The following BBS9 variants were observed in gnomAD, a reference collection of about 807,000 sequenced individuals.
The protein encoded by BBS9 is Bardet-Biedl syndrome 9.
BBS9 carries 89 observed loss-of-function variants against 117.7 expected under a neutral mutation model. The observed-to-expected ratio is 0.76, with a 90% CI of 0.64 to 0.90. The LOEUF (loss-of-function observed/expected upper bound fraction) is 0.90. BBS9 is among the 40% of genes least tolerant of loss of function. The probability of loss-of-function intolerance (pLI) is 0.00; values close to 1 mark genes in which losing one functional copy is unlikely to be tolerated. For missense variants in BBS9, 982 were observed against 1,042.2 expected (o/e 0.94, Z 0.80); for synonymous variants, 379 against 370.9 (o/e 1.02, Z -0.25).
chr7:33,281,029 TA>T (rs1182851998), intron 9 of BBS9, among the ~76,000 whole-genome samples: 13 of 150,558 alleles, frequency 8.6e-5, no homozygotes, highest in African/African-American at 3.2e-4. Flanking sequence ...AATTCATAAA[TA>T]TTTCTGGAAT....
intron 21 of BBS9, among the ~76,000 whole-genome samples, chr7:33,587,605 A>G (rs1329304736): frequency 6.6e-6 from 1 of 152,148 alleles, no homozygotes; most frequent in Non-Finnish European, 1.5e-5. Flanking sequence ...CTTCAAAGAA[A>G]GTAGAGCTGG....
At chr7:33,435,334 A>G (rs1204232258) in intron 19 of BBS9, among the ~76,000 whole-genome samples, 1 of 152,204 alleles carries the variant, frequency 6.6e-6, no homozygotes, top group African/African-American at 2.4e-5. Context: ...AACTTTGTTA[A>G]TATCAAGGAT....
intron 5 of BBS9, among the ~76,000 whole-genome samples, chr7:33,215,817 A>G (rs1788946095): frequency 6.6e-6 from 1 of 152,278 alleles, no homozygotes; most frequent in Admixed American, 6.5e-5. Context: ...TCATGATGAC[A>G]GAGAAGCTGA....
At chr7:33,486,636 G>A (rs943020863) in intron 19 of BBS9, among the ~76,000 whole-genome samples, 6 of 152,116 alleles carry the variant, frequency 3.9e-5, no homozygotes, top group Non-Finnish European at 7.4e-5. Flanking sequence ...AGATTTGGGG[G>A]ACAAAGTCAA....
At chr7:33,184,341 C>T (rs1372266893) in intron 5 of BBS9, among the ~76,000 whole-genome samples, 2 of 152,120 alleles carry the variant, frequency 1.3e-5, no homozygotes, top group South Asian at 2.1e-4. Context: ...TCCGGTGATC[C>T]TGTACATGCC....
intron 1 of BBS9, among the ~76,000 whole-genome samples, chr7:33,144,457 GC>G (rs1792021563): frequency 6.6e-6 from 1 of 152,198 alleles, no homozygotes; most frequent in Non-Finnish European, 1.5e-5. Context: ...GTGATCAAGT[GC>G]AAAGGAGTAA....
At chr7:33,163,063 G>A (rs182054657) in intron 4 of BBS9, among the ~76,000 whole-genome samples, 139 of 152,140 alleles carry the variant, frequency 9.1e-4, no homozygotes, top group African/African-American at 2.9e-3. Flanking sequence ...TTGTAGAGGC[G>A]TTTTCTGCAT....
chr7:33,463,552 G>T (rs1383464149), intron 19 of BBS9, among the ~76,000 whole-genome samples: 2 of 152,116 alleles, frequency 1.3e-5, no homozygotes, highest in Non-Finnish European at 2.9e-5. Flanking sequence ...CTGTGAGCCA[G>T]GATGTGCTTT....
chr7:33,222,073 C>A (rs1362014347), intron 5 of BBS9, among the ~76,000 whole-genome samples: 1 of 152,074 alleles, frequency 6.6e-6, no homozygotes, highest in Non-Finnish European at 1.5e-5. Flanking sequence ...ATAGCAGATA[C>A]AATGATGTGT....
At chr7:33,548,815 T>TA (rs1002725326) in intron 21 of BBS9, among the ~76,000 whole-genome samples, 9 of 150,100 alleles carry the variant, frequency 6.0e-5, no homozygotes, top group Non-Finnish European at 1.0e-4. Context: ...TGCTCATGGG[T>TA]AGGAAGAATC....
intron 21 of BBS9, among the ~76,000 whole-genome samples, chr7:33,629,784 A>G (rs1290785650): frequency 6.6e-6 from 1 of 152,218 alleles, no homozygotes; most frequent in Non-Finnish European, 1.5e-5. Context: ...CTGTGAAACC[A>G]TGTATTCAGC....
intron 21 of BBS9, among the ~76,000 whole-genome samples, chr7:33,588,984 G>A (rs143481482): frequency 1.3e-5 from 2 of 152,260 alleles, no homozygotes; most frequent in Non-Finnish European, 2.9e-5. Flanking sequence ...AATGGGGAAA[G>A]CCATTTTGAA....
At chr7:33,521,896 C>G (rs1363123630) in intron 20 of BBS9, among the ~76,000 whole-genome samples, 1 of 112,382 alleles carries the variant, frequency 8.9e-6, no homozygotes, top group East Asian at 3.2e-4. Flanking sequence ...TCCCTCCCCC[C>G]TCCCCCCACC....
At chr7:33,630,150 CA>C (rs1865818068) in intron 21 of BBS9, among the ~76,000 whole-genome samples, 1 of 151,986 alleles carries the variant, frequency 6.6e-6, no homozygotes, top group Admixed American at 6.6e-5. Context: ...AATCCCTTGT[CA>C]AATAATGATT....
At chr7:33,383,379 G>A (rs550792779) in intron 17 of BBS9, among the ~76,000 whole-genome samples, 8 of 152,228 alleles carry the variant, frequency 5.3e-5, no homozygotes, top group Non-Finnish European at 1.2e-4. Context: ...CCAAATTTGG[G>A]TGTTTTTATT....
chr7:33,426,637 G>A (rs1398566601), intron 19 of BBS9, among the ~76,000 whole-genome samples: 4 of 151,866 alleles, frequency 2.6e-5, no homozygotes, highest in East Asian at 1.9e-4. Context: ...AGCCACATTC[G>A]GTTGTTAAAG....
intron 19 of BBS9, among the ~76,000 whole-genome samples, chr7:33,447,313 G>A (rs751225402): frequency 7.2e-5 from 11 of 152,132 alleles, no homozygotes; most frequent in Non-Finnish European, 1.3e-4. Flanking sequence ...ATCATAGTGG[G>A]CACCTCTCAA....
At chr7:33,362,981 G>A (rs764268237) in intron 16 of BBS9, among the ~76,000 whole-genome samples, 2 of 151,954 alleles carry the variant, frequency 1.3e-5, no homozygotes, top group Non-Finnish European at 2.9e-5. Context: ...GTGAGGGTTG[G>A]TAGTTTTTCA....
intron 19 of BBS9, among the ~76,000 whole-genome samples, chr7:33,499,813 A>G (rs1845199929): frequency 6.6e-6 from 1 of 152,196 alleles, no homozygotes; most frequent in South Asian, 2.1e-4. Flanking sequence ...TATTTCTGTA[A>G]AGAGGTTAGC....
Sources: allele counts gnomAD v4.1 joint callset (sites outside exome capture counted in the v4.1 genomes callset), GRCh38; gene constraint gnomAD v4.1.1; transcripts MANE v1.5; gene names NCBI Gene and HGNC (gene_info 2026-07-23, HGNC 2026-07-21).